The following TRA2A variants were observed in gnomAD, a reference collection of about 807,000 sequenced individuals.
The protein encoded by TRA2A is transformer-2 protein homolog alpha.
TRA2A carries 31 observed loss-of-function variants against 45.7 expected under a neutral mutation model. The observed-to-expected ratio is 0.68, with a 90% CI of 0.51 to 0.92. TRA2A has a LOEUF of 0.92. Ranked by LOEUF, TRA2A falls within the 40% of genes least tolerant of loss-of-function variation. The pLI is 0.00. For missense variants in TRA2A, 304 were observed against 367.5 expected, an observed-to-expected ratio of 0.83 and a Z score of 1.41; for synonymous variants, 132 against 126.2, an observed-to-expected ratio of 1.05 and a Z score of -0.31.
intron 4 of TRA2A, 116 bp downstream of exon 4, chr7:23,512,773 TAAAAA>T (rs201252500): frequency 1.4e-6 from 1 of 705,716 alleles, no homozygotes; most frequent in Non-Finnish European, 2.1e-6. Context: ...ATCCTATCTT[TAAAAA>T]AAAAAAAAAG....
At chr7:23,531,150 CGCTT>C (rs1790564865) in intron 1 of TRA2A, 1 of 916,020 alleles carries the variant, frequency 1.1e-6, no homozygotes. Context: ...GTCTTAAGAA[CGCTT>C]AAGGGTCGGT....
At chr7:23,508,295 AAAGG>A (rs1789434815) in intron 4 of TRA2A, among the ~76,000 whole-genome samples, 1 of 149,548 alleles carries the variant, frequency 6.7e-6, no homozygotes, top group African/African-American at 2.5e-5. Context: ...AAAAAAAAAA[AAAGG>A]AGGTCTCACT....
intron 1 of TRA2A, among the ~76,000 whole-genome samples, chr7:23,523,267 C>CT (rs1790210578): frequency 6.6e-6 from 1 of 152,066 alleles, no homozygotes; most frequent in Admixed American, 6.6e-5. Context: ...TGACTATATT[C>CT]TATATCCAAA....
At chr7:23,524,015 T>C (rs1790241044) in intron 1 of TRA2A, among the ~76,000 whole-genome samples, 1 of 152,206 alleles carries the variant, frequency 6.6e-6, no homozygotes, top group Admixed American at 6.5e-5. Context: ...ACAGGAGGCT[T>C]TGCTCTGTAA....
rs1790149599 is a variant in TRA2A, at chr7:23,521,795, C to G, written c.82G>C (p.Val28Leu). 3.7e-6 allele frequency: 6 copies of G among 1,614,142 alleles called. No homozygotes were observed. Among genetic ancestry groups the G allele is most frequent in the Non-Finnish European group, 5.1e-6 (6 of 1,180,010 alleles). ...GATCCTGACCTGCTCTCCGATTTTA[C>G]ACGAGCAGGAGTTCCCGTTGGAGAT... Reference protein sequence around the residue: ...SKSPTGTPARVKSESRSGSRS... With the variant: ...SKSPTGTPARLKSESRSGSRS... Residue 28 changes from valine (V) to leucine (L), a missense_variant, in exon 2 of 8, where the codon GTA becomes CTA. Val to Leu is a conservative substitution (Grantham distance 32, BLOSUM62 1). This residue lies in a region of TRA2A where 132 missense variants were observed against 113.4 expected (regional missense o/e 1.16). Coordinates refer to ENST00000297071, the MANE Select transcript of TRA2A (RefSeq NM_013293.5).
intron 5 of TRA2A, chr7:23,507,099 T>C (rs1789376897): frequency 3.9e-6 from 1 of 256,982 alleles, no homozygotes; most frequent in Non-Finnish European, 7.5e-6. Context: ...GGTTGTATAT[T>C]TAAAAACATT....
At position 23,506,446 on chromosome 7, in the gene TRA2A, T is replaced by A. The variant is rs1358773856; in HGVS notation, c.642-180A>T. ...ATTCTGGTTTGCCTTATTCCCTACA[T>A]ACATAATCAAGAAGGGCTTCACAAA... On this transcript the variant is annotated intron_variant, in intron 5 of 7. Coordinates refer to ENST00000297071, the MANE Select transcript of TRA2A (RefSeq NM_013293.5). The A allele has an allele frequency of 1.5e-5, 9 of 620,114 alleles. No individual in the cohort carries two copies. The South Asian group carries it at 3.8e-4, about 26-fold the overall frequency. The allele number at this position is 620,114 out of a possible 1,614,324, so 38.4% of individuals were successfully genotyped here. A position where few individuals can be genotyped will look rare whatever the true frequency, so the allele number is the denominator to read the frequency against.
In TRA2A at chr7:23,531,972, C is replaced by T; in HGVS notation, c.-148G>A. 1.2e-6 allele frequency: 1 copy of T among 823,094 alleles called. No individual in the cohort carries two copies. Among genetic ancestry groups the T allele is most frequent in the South Asian group, 1.6e-5 (1 of 61,032 alleles). 51.0% of individuals were successfully genotyped at this position (823,094 alleles called of 1,614,324 possible). On this transcript the variant is annotated 5_prime_UTR_variant, in exon 1 of 8. Coordinates refer to ENST00000297071, the MANE Select transcript of TRA2A (RefSeq NM_013293.5). ...CTCCACTCCCACTCGGTCGCAGGCT[C>T]CAGCAAAATGGCGCCGGCGCCGCCA...
intron 2 of TRA2A, among the ~76,000 whole-genome samples, chr7:23,520,683 ATTTTTTTTTT>A (rs11346990): frequency 1.2e-4 from 15 of 129,732 alleles, no homozygotes; most frequent in African/African-American, 4.1e-4. Flanking sequence ...GCTGTTTTAA[ATTTTTTTTTT>A]TTTTTTTTTT....
At chr7:23,509,923 G>C (rs904044875) in intron 4 of TRA2A, among the ~76,000 whole-genome samples, 1 of 152,172 alleles carries the variant, frequency 6.6e-6, no homozygotes, top group Non-Finnish European at 1.5e-5. Context: ...CTACTCGGGA[G>C]GCTAAGGTGG....
intron 3 of TRA2A, among the ~76,000 whole-genome samples, chr7:23,513,830 T>C (rs1789737970): frequency 6.6e-6 from 1 of 152,098 alleles, no homozygotes; most frequent in Non-Finnish European, 1.5e-5. Flanking sequence ...CTGATTTGTC[T>C]TGATTGGCTA....
At chr7:23,512,823 G>A in intron 4 of TRA2A, 71 bp downstream of exon 4, 3 of 1,075,190 alleles carry the variant, frequency 2.8e-6, no homozygotes, top group Non-Finnish European at 3.8e-6. Context: ...AATGTTTACA[G>A]AAATAAGTCT....
intron 1 of TRA2A, chr7:23,531,564 G>T: frequency 1.7e-6 from 1 of 598,872 alleles, no homozygotes; most frequent in Non-Finnish European, 2.9e-6. Context: ...GGACCCAGAA[G>T]TCCAGGTATC....
chr7:23,520,474 T>C (rs962466551), intron 2 of TRA2A, among the ~76,000 whole-genome samples: 1 of 152,122 alleles, frequency 6.6e-6, no homozygotes, highest in African/African-American at 2.4e-5. Context: ...CATAATAAAT[T>C]TAATAACTGA....
In TRA2A at chr7:23,513,096, ATAT is replaced by A; in HGVS notation, c.337-17_337-15del. 3 of 1,563,638 alleles carry A rather than the reference ATAT, an allele frequency of 1.9e-6. No homozygotes were observed. The highest frequency in any genetic ancestry group is 1.7e-4 in the Middle Eastern group (1 of 5,852). ...ATCTGGATTTGCCTATTGAATGGAA[ATAT>A]TATTTAAAACTCCAAATTAAAATCA... On this transcript the variant is annotated splice_polypyrimidine_tract_variant and intron_variant, in intron 3 of 7. Coordinates refer to ENST00000297071, the MANE Select transcript of TRA2A (RefSeq NM_013293.5).
At chr7:23,514,447 A>G (rs1409970894) in intron 3 of TRA2A, among the ~76,000 whole-genome samples, 3 of 152,154 alleles carry the variant, frequency 2.0e-5, no homozygotes, top group South Asian at 2.1e-4. Flanking sequence ...TTTTTATAAG[A>G]GTGAAACTCC....
chr7:23,521,113 T>C (rs1435427512), intron 2 of TRA2A, among the ~76,000 whole-genome samples: 2 of 152,162 alleles, frequency 1.3e-5, no homozygotes, highest in Admixed American at 6.5e-5. Flanking sequence ...GCTAAGGACT[T>C]TTCCGCCCAA....
chr7:23,523,700 C>T (rs983804394), intron 1 of TRA2A, among the ~76,000 whole-genome samples: 2 of 152,226 alleles, frequency 1.3e-5, no homozygotes, highest in African/African-American at 4.8e-5. Context: ...CACTGCATCT[C>T]AGATACTCTA....
At chr7:23,516,563 A>G (rs1213038810) in intron 2 of TRA2A, 35 bp from the exon 3 acceptor site, 2 of 1,602,304 alleles carry the variant, frequency 1.2e-6, no homozygotes, top group African/African-American at 1.3e-5. Context: ...AAAATACTGA[A>G]ACAAAATGGC....
Sources: allele counts gnomAD v4.1 joint callset (sites outside exome capture counted in the v4.1 genomes callset), GRCh38; gene constraint gnomAD v4.1.1; regional missense constraint gnomAD v4.1.1; transcripts MANE v1.5; gene names NCBI Gene and HGNC (gene_info 2026-07-23, HGNC 2026-07-21).